The following ADCY10 variants were observed in gnomAD, a reference collection of about 807,000 sequenced individuals.
The protein encoded by ADCY10 is adenylate cyclase 10.
ADCY10 carries 156 observed loss-of-function variants against 183.3 expected under a neutral mutation model. That is an observed-to-expected ratio of 0.85 (90% CI 0.75 to 0.97). The LOEUF (loss-of-function observed/expected upper bound fraction) is 0.97, where lower values mean the gene tolerates loss of function less well. ADCY10 is among the 50% of genes least tolerant of loss of function. The pLI, the probability that ADCY10 is intolerant of heterozygous loss-of-function variation, is 0.00. For synonymous variants in ADCY10, 645 were observed against 670.0 expected, an observed-to-expected ratio of 0.96 and a Z score of 0.58; for missense variants, 1,745 against 1,934.3, an observed-to-expected ratio of 0.90 and a Z score of 1.84.
chr1:167,840,717 T>C (rs1664561531), intron 21 of ADCY10, among the ~76,000 whole-genome samples: 1 of 150,612 alleles, frequency 6.6e-6, no homozygotes, highest in Non-Finnish European at 1.5e-5. Flanking sequence ...ATATTAAGAG[T>C]TTCCTACTAC....
In ADCY10 at chr1:167,859,909, T is replaced by G; in HGVS notation, c.1810-16A>C. ...AAATAGGGAACTGTACAAAGAATTA[T>G]GAGAATATTGAGTATGGGAAAATAG... On this transcript the variant is annotated splice_polypyrimidine_tract_variant and intron_variant, in intron 15 of 32. Transcript: ENST00000367851. 6.3e-7 allele frequency: 1 copy of G among 1,575,072 alleles called. No individual in the cohort carries two copies. The highest frequency in any genetic ancestry group is 1.1e-5 in the South Asian group (1 of 90,270).
At position 167,833,045 on chromosome 1, in the gene ADCY10, C is replaced by A; in HGVS notation, c.3535G>T (p.Glu1179Ter). 2 of 1,614,056 alleles carry A rather than the reference C, an allele frequency of 1.2e-6. No individual in the cohort carries two copies. Among genetic ancestry groups the A allele is most frequent in the Non-Finnish European group, 1.7e-6 (2 of 1,180,014 alleles). The change falls in exon 25 of 33, where the codon GAG becomes TAG. Residue 1179 changes from glutamate to a stop codon, truncating the protein, a stop_gained. Transcript: ENST00000367851. LOFTEE classifies it high-confidence loss of function. ...LISLFLHIHV[E>*]KNRHFHYVNR... ...ACATAATGAAAGTGTCTGTTTTTCT[C>A]GACATGGATATGGAGAAACAAGGAG...
In ADCY10 at chr1:167,878,613, T is replaced by C; in HGVS notation, c.1239A>G (p.Leu413=). ...GGTAGTACATCATCATCCTGGCAGC[T>C]AAGTTGACTTTTTGACCAATGACTA... The part of the protein sequence containing the change: ...EYTVIGQKVN[L]AARMMMYYPG... The change falls in exon 12 of 33, where the codon TTA becomes TTG. Residue 413 remains leucine, a synonymous_variant. Coordinates refer to ENST00000367851, the MANE Select transcript of ADCY10 (RefSeq NM_018417.6). 1 of 1,614,136 alleles carries C rather than the reference T, an allele frequency of 6.2e-7. No homozygotes were observed. Among genetic ancestry groups the C allele is most frequent in the Non-Finnish European group, 8.5e-7 (1 of 1,180,022 alleles).
chr1:167,844,221 G>A (rs1156792225), intron 21 of ADCY10, among the ~76,000 whole-genome samples: 1 of 152,232 alleles, frequency 6.6e-6, no homozygotes, highest in Non-Finnish European at 1.5e-5. Context: ...CCTGCCCAGT[G>A]CAGATGAGAC....
Position 167,859,891 on chromosome 1 carries a change from G to T in ADCY10, c.1812C>A (p.Phe604Leu). The change falls in exon 16 of 33, where the codon TTC (phenylalanine) becomes TTA (leucine). Residue 604 changes from phenylalanine to leucine, a missense_variant and splice_region_variant. Physicochemically the swap from Phe to Leu is conservative, Grantham distance 22. Coordinates refer to ENST00000367851, the MANE Select transcript of ADCY10 (RefSeq NM_018417.6). ...CLLNDIFHVQ[F>L]PISREISRMS... ...TCCTGGAAATCTCCCGAGAAATAGGGAACTGTACAAAGAATTATGAGAATA... is the reference window on the plus strand; with the variant it reads ...TCCTGGAAATCTCCCGAGAAATAGGTAACTGTACAAAGAATTATGAGAATA... The T allele has an allele frequency of 6.2e-7, 1 of 1,606,760 alleles. No individual in the cohort carries two copies. Among genetic ancestry groups the T allele is most frequent in the South Asian group, 1.1e-5 (1 of 90,924 alleles).
In ADCY10 at chr1:167,880,181, T is replaced by A; in HGVS notation, c.1150A>T (p.Ile384Phe). ...AAGACAATCCCACTGGCAACACCGA[T>A]GGATACAGTTCTGGTGCAGGGGAGA... ...SQVHKIQTVS[I>F]GVASGIVFCG... The change falls in exon 11 of 33, where the codon ATC becomes TTC. Residue 384 changes from isoleucine to phenylalanine, a missense_variant. Ile to Phe is a conservative substitution (Grantham distance 21). Transcript: ENST00000367851. The A allele has an allele frequency of 1.2e-6, 2 of 1,612,876 alleles. No individual in the cohort carries two copies. The highest frequency in any genetic ancestry group is 1.7e-6 in the Non-Finnish European group (2 of 1,179,548).
At position 167,880,631 on chromosome 1, in the gene ADCY10, A is replaced by G. The variant is rs754847418; in HGVS notation, c.1021-22T>C. On this transcript the variant is annotated intron_variant, in intron 9 of 32. Transcript: ENST00000367851. ...AGCCCTGTGAGGGAGAGAGACAGCA[A>G]CCACAGCTGATGGACAGTGTGCTTT... The G allele has an allele frequency of 9.0e-6, 14 of 1,549,554 alleles. No homozygotes were observed. The African/African-American group carries it at 1.8e-4, about 20-fold the overall frequency.
rs369173094 is a variant in ADCY10, at chr1:167,875,240, G to A, written c.1407-54C>T. 1.1e-3 allele frequency: 1,722 copies of A among 1,542,228 alleles called. 1 individual carries two copies. Among genetic ancestry groups the A allele is most frequent in the Admixed American group, 2.0e-3 (118 of 59,818 alleles). On this transcript the variant is annotated intron_variant, in intron 12 of 32. Coordinates refer to ENST00000367851, the MANE Select transcript of ADCY10 (RefSeq NM_018417.6). ...TAGATTCAAAACAGGGACATATTGA[G>A]AGCAAGAGTGATTAGTTCTTAGTTC...
At chr1:167,840,056 A>C (rs1664501152) in intron 21 of ADCY10, among the ~76,000 whole-genome samples, 1 of 150,114 alleles carries the variant, frequency 6.7e-6, no homozygotes, top group African/African-American at 2.4e-5. Context: ...CTGTCTATAA[A>C]AAAAAAAAAA....
chr1:167,842,166 GTC>G (rs1439441399), intron 21 of ADCY10, among the ~76,000 whole-genome samples: 1 of 152,126 alleles, frequency 6.6e-6, no homozygotes, highest in Non-Finnish European at 1.5e-5. Context: ...CTCCAATTAT[GTC>G]TTTTTTTTCC....
At chr1:167,812,743 A>G (rs896677364) in intron 31 of ADCY10, among the ~76,000 whole-genome samples, 6 of 152,230 alleles carry the variant, frequency 3.9e-5, no homozygotes, top group African/African-American at 1.2e-4. Flanking sequence ...TCAAAGAACT[A>G]AAGGAAAATG....
At chr1:167,851,801 C>T (rs1360621116) in intron 18 of ADCY10, among the ~76,000 whole-genome samples, 3 of 144,188 alleles carry the variant, frequency 2.1e-5, no homozygotes, top group Non-Finnish European at 3.0e-5. Context: ...CCAGCCTGGG[C>T]GACAGAGTGT....
At position 167,905,115 on chromosome 1, in the gene ADCY10, T is replaced by C. The variant is rs547696231; in HGVS notation, c.26A>G (p.Gln9Arg). ...TGCTATTCTGACTATGGGCCAGTCC[T>C]GGAATTCTTCTTTTGGAGTGTTCAT... MNTPKEEFQDWPIVRIAAH... is the reference protein window; with the variant it reads MNTPKEEFRDWPIVRIAAH... The change falls in exon 2 of 33, where the codon CAG becomes CGG. Residue 9 changes from glutamine (Q) to arginine (R), a missense_variant. Physicochemically the swap from Gln to Arg is conservative, Grantham distance 43. Coordinates refer to ENST00000367851, the MANE Select transcript of ADCY10 (RefSeq NM_018417.6). 3 of 1,614,256 alleles carry C rather than the reference T, an allele frequency of 1.9e-6. No homozygotes were observed. The highest frequency in any genetic ancestry group is 2.5e-6 in the Non-Finnish European group (3 of 1,180,042).
At chr1:167,820,369 C>A in intron 30 of ADCY10, 1 of 618,738 alleles carries the variant, frequency 1.6e-6, no homozygotes, top group East Asian at 3.2e-5. Context: ...CAGCCCGCGC[C>A]TCGCCTAGCC....
chr1:167,899,796 CCTTCCAAAGCTCCCCTT>C (rs746557175), intron 5 of ADCY10, among the ~76,000 whole-genome samples, 168 bp from the exon 6 acceptor site: 6 of 152,210 alleles, frequency 3.9e-5, no homozygotes, highest in East Asian at 3.8e-4. Flanking sequence ...TGGGCTCGGG[CCTTCCAAAGCTCCCCTT>C]CTTCCAAAGC....
intron 26 of ADCY10, among the ~76,000 whole-genome samples, chr1:167,827,334 A>AAT (rs1663374555): frequency 7.5e-6 from 1 of 132,902 alleles, no homozygotes; most frequent in Non-Finnish European, 1.6e-5. Context: ...CGCCCGGCTA[A>AAT]TTTTTTTTTT....
At chr1:167,859,344 A>T (rs1158868740) in intron 16 of ADCY10, among the ~76,000 whole-genome samples, 1 of 152,190 alleles carries the variant, frequency 6.6e-6, no homozygotes, top group Non-Finnish European at 1.5e-5. Flanking sequence ...TTCTACATAT[A>T]ATCTAGTCAT....
chr1:167,812,656 A>T (rs1049050223), intron 31 of ADCY10, among the ~76,000 whole-genome samples: 1 of 152,244 alleles, frequency 6.6e-6, no homozygotes, highest in Admixed American at 6.5e-5. Flanking sequence ...GGGAAAAAAT[A>T]TCAAGAGAAA....
rs140009302 is a variant in ADCY10 at position 167,878,466 on chromosome 1, A to G, written c.1386T>C (p.Tyr462=). The G allele has an allele frequency of 7.1e-5, 115 of 1,614,068 alleles. No homozygotes were observed. The East Asian group carries it at 2.3e-3, about 32-fold the overall frequency. Reference sequence around the variant, plus strand: ...CTCACACTTTCTCAGTACGGCCCCAATACTGATACAATGGTCCAGAATCTG... The same window carrying G: ...CTCACACTTTCTCAGTACGGCCCCAGTACTGATACAATGGTCCAGAATCTG... ...GVADSGPLYQ[Y]WGRTEKVMFG... Residue 462 remains tyrosine, a synonymous_variant, in exon 12 of 33, where the codon TAT becomes TAC. Transcript: ENST00000367851.
Sources: gnomAD v4.1 joint callset for allele counts (sites outside exome capture counted in the v4.1 genomes callset) on GRCh38, gnomAD v4.1.1 for gene constraint, MANE v1.5 for transcripts, NCBI Gene and HGNC (gene_info 2026-07-23, HGNC 2026-07-21) for gene names.